Variants in EYA3 observed in about 807,000 individuals in gnomAD.
EYA3 encodes the protein protein phosphatase EYA3.
A neutral mutation model predicts 80.0 loss-of-function variants in EYA3; 39 were observed. That is an observed-to-expected ratio of 0.49 (90% CI 0.38 to 0.64). The LOEUF (loss-of-function observed/expected upper bound fraction) is 0.64, where lower values mean the gene tolerates loss of function less well. Among genes scored for constraint, EYA3 ranks in the 30% least tolerant of loss-of-function variants. The probability of loss-of-function intolerance (pLI) is 0.00; values close to 1 mark genes in which losing one functional copy is unlikely to be tolerated. For synonymous variants in EYA3, 206 were observed against 232.8 expected, an observed-to-expected ratio of 0.88 and a Z score of 1.05; for missense variants, 523 against 676.1, an observed-to-expected ratio of 0.77 and a Z score of 2.51.
At chr1:27,993,651 A>T (rs1194472980) in intron 13 of EYA3, 91 bp from the exon 14 acceptor site, 1 of 1,059,562 alleles carries the variant, frequency 9.4e-7, no homozygotes, top group Non-Finnish European at 1.3e-6. Flanking sequence ...GTATCTGATA[A>T]ATAAGGCCAA....
At position 27,978,363 on chromosome 1, in the gene EYA3, A is replaced by G; in HGVS notation, c.1641+11T>C. 6.2e-7 allele frequency: 1 copy of G among 1,603,668 alleles called. No homozygotes were observed. Among genetic ancestry groups the G allele is most frequent in the South Asian group, 1.1e-5 (1 of 90,768 alleles). On this transcript the variant is annotated intron_variant, in intron 17 of 17. Transcript: ENST00000373871. ...ACAACCACATAGACTATTTTTCTTT[A>G]CCATGGTTACCTGTTTGGCTGCAAT...
intron 10 of EYA3, among the ~76,000 whole-genome samples, chr1:28,006,972 G>A (rs904737308): frequency 7.9e-6 from 1 of 127,186 alleles, no homozygotes; most frequent in South Asian, 2.4e-4. Flanking sequence ...AAAGAGTGTC[G>A]CTCTGTCACC....
intron 17 of EYA3, chr1:27,977,246 A>G (rs1017004893): frequency 6.5e-7 from 1 of 1,535,674 alleles, no homozygotes; most frequent in African/African-American, 1.4e-5. Context: ...GTGACAAATG[A>G]AAACATGAGA....
intron 1 of EYA3, among the ~76,000 whole-genome samples, chr1:28,078,898 G>A (rs1279944527): frequency 3.9e-5 from 6 of 152,110 alleles, no homozygotes; most frequent in Non-Finnish European, 5.9e-5. Flanking sequence ...TCAAACCACA[G>A]CTATGTGTCT....
At chr1:28,034,292 T>TA (rs1557596700) in intron 6 of EYA3, among the ~76,000 whole-genome samples, 1 of 152,028 alleles carries the variant, frequency 6.6e-6, no homozygotes, top group South Asian at 2.1e-4. Context: ...ACAGAAGATT[T>TA]AAAAAACTGT....
At position 28,042,648 on chromosome 1, in the gene EYA3, T is replaced by C. The variant is rs1557606910; in HGVS notation, c.80A>G (p.Gln27Arg). ...ATCACTGACATCTGGATTGCTTACT[T>C]GACTGGGAGAACCAAAATGAATACA... ...MQESGEQTIS[Q>R]VSNPDVSDQK... The change falls in exon 4 of 18, where the codon CAA becomes CGA. Residue 27 changes from glutamine to arginine, a missense_variant and splice_region_variant. Transcript: ENST00000373871. 1.2e-6 allele frequency: 2 copies of C among 1,614,020 alleles called. No homozygotes were observed.
At chr1:28,048,728 G>T (rs925110294) in intron 2 of EYA3, among the ~76,000 whole-genome samples, 1 of 152,088 alleles carries the variant, frequency 6.6e-6, no homozygotes, top group Non-Finnish European at 1.5e-5. Flanking sequence ...AAACTAGTTG[G>T]TTTTATACTG....
At chr1:28,063,818 T>C (rs1644730309) in intron 1 of EYA3, among the ~76,000 whole-genome samples, 1 of 152,192 alleles carries the variant, frequency 6.6e-6, no homozygotes, top group South Asian at 2.1e-4. Flanking sequence ...CTGTACACAA[T>C]GTTGCATATA....
chr1:28,035,302 G>T (rs772874598), intron 6 of EYA3, among the ~76,000 whole-genome samples: 7 of 152,092 alleles, frequency 4.6e-5, no homozygotes, highest in Non-Finnish European at 8.8e-5. Flanking sequence ...AATCCTCAAA[G>T]AATTTACCAA....
intron 13 of EYA3, among the ~76,000 whole-genome samples, chr1:27,996,223 C>T (rs953627309): frequency 1.3e-5 from 2 of 152,074 alleles, no homozygotes; most frequent in Non-Finnish European, 2.9e-5. Flanking sequence ...TGCATAGCAA[C>T]AGATAATACA....
intron 12 of EYA3, among the ~76,000 whole-genome samples, chr1:27,998,012 T>C (rs1429717385): frequency 2.0e-5 from 3 of 152,242 alleles, no homozygotes; most frequent in East Asian, 1.9e-4. Context: ...CTTCTTTTTT[T>C]CCCCCGCTTC....
intron 2 of EYA3, among the ~76,000 whole-genome samples, chr1:28,053,149 G>A (rs112892680): frequency 0.063 from 3,190 of 50,990 alleles, 87 homozygotes; most frequent in Middle Eastern, 0.18. Flanking sequence ...ATGAGACCCC[G>A]TCTCAAAAAA....
In EYA3 at chr1:28,044,736, G is replaced by GT. The variant is rs536675473; in HGVS notation, c.78-2087dup. Among the ~76,000 whole-genome samples the GT allele has an allele frequency of 5.3e-5, 8 of 151,684 alleles. No homozygotes were observed. The East Asian group carries it at 1.2e-3, about 22-fold the overall frequency. Reference sequence around the variant, plus strand: ...CTTCTAATATTCAAGTATAATAAGGGTTTTTTTTAAATGGTATATATTTTT... The same window carrying GT: ...CTTCTAATATTCAAGTATAATAAGGGTTTTTTTTTAAATGGTATATATTTTT... On this transcript the variant is annotated intron_variant, in intron 3 of 17. Transcript: ENST00000373871.
chr1:28,031,957 A>G (rs1402956362), intron 6 of EYA3: 2 of 152,092 alleles, frequency 1.3e-5, no homozygotes. Context: ...ACTACTGATC[A>G]GCAATGGGGT....
At chr1:28,064,604 G>A (rs928472663) in intron 1 of EYA3, among the ~76,000 whole-genome samples, 1 of 152,030 alleles carries the variant, frequency 6.6e-6, no homozygotes, top group African/African-American at 2.4e-5. Context: ...AAAGATAAGA[G>A]AACTATCATT....
At chr1:28,077,037 G>A (rs905319476) in intron 1 of EYA3, among the ~76,000 whole-genome samples, 9 of 150,032 alleles carry the variant, frequency 6.0e-5, no homozygotes, top group Admixed American at 1.3e-4. Flanking sequence ...CACCACGCCC[G>A]GTCTGTTTTT....
At chr1:28,073,125 ATATTTTT>A (rs1330361883) in intron 1 of EYA3, among the ~76,000 whole-genome samples, 2 of 32,584 alleles carry the variant, frequency 6.1e-5, no homozygotes, top group South Asian at 1.1e-3. Flanking sequence ...ATATATATAT[ATATTTTT>A]TTTTTTTTTT....
rs938574062 is a variant in EYA3 at position 27,971,893 on chromosome 1, T to C, written c.*2573A>G. 4 of 152,210 alleles carry C rather than the reference T, an allele frequency of 2.6e-5. No homozygotes were observed. The highest frequency in any genetic ancestry group is 9.7e-5 in the African/African-American group (4 of 41,442). The allele number at this position is 152,210 out of a possible 1,614,324, so 9.4% of individuals were successfully genotyped here. A position where few individuals can be genotyped will look rare whatever the true frequency, so the allele number is the denominator to read the frequency against. ...GCCAAGAAGCTCCTGTTTTCTCTCT[T>C]CCATTTAAATGAGGGTGGCAACAAC... On this transcript the variant is annotated 3_prime_UTR_variant, in exon 18 of 18. Transcript: ENST00000373871.
chr1:28,076,810 G>A (rs1198853723), intron 1 of EYA3, among the ~76,000 whole-genome samples: 20 of 142,628 alleles, frequency 1.4e-4, no homozygotes, highest in African/African-American at 4.2e-4. Context: ...GCGTGATCTC[G>A]GCTCACCTCA....
Sources: gnomAD v4.1 joint callset for allele counts (sites outside exome capture counted in the v4.1 genomes callset) on GRCh38, gnomAD v4.1.1 for gene constraint, MANE v1.5 for transcripts, NCBI Gene and HGNC (gene_info 2026-07-23, HGNC 2026-07-21) for gene names.